PPARGC1A: variants seen among roughly 807,000 people sequenced by gnomAD.
The protein encoded by PPARGC1A is peroxisome proliferator-activated receptor gamma coactivator 1-alpha.
PPARGC1A carries 25 observed loss-of-function variants against 88.7 expected under a neutral mutation model. The ratio of observed to expected loss-of-function variants is 0.28; its 90% CI spans 0.21 to 0.39. The LOEUF is 0.39. PPARGC1A is among the 10% of genes least tolerant of loss of function. The pLI is 1.00. For missense variants in PPARGC1A, 880 were observed against 968.7 expected (o/e 0.91, Z 1.22); for synonymous variants, 363 against 355.6 (o/e 1.02, Z -0.24).
At chr4:24,087,490 T>C in the PPARGC1A span, among the ~76,000 whole-genome samples, 3 of 152,214 alleles carry the variant, frequency 2.0e-5, no homozygotes, top group Non-Finnish European at 4.4e-5. Context: ...TAAATCATTA[T>C]CCAGACATGA....
At chr4:23,946,902 C>T in the PPARGC1A span, among the ~76,000 whole-genome samples, 489 of 152,124 alleles carry the variant, frequency 3.2e-3, 8 homozygotes, top group Admixed American at 0.028. Flanking sequence ...TTAATATTCT[C>T]ATGGTACCTC....
chr4:23,852,488 G>C (rs952020174), intron 2 of PPARGC1A, among the ~76,000 whole-genome samples: 15 of 152,012 alleles, frequency 9.9e-5, no homozygotes, highest in African/African-American at 3.6e-4. Flanking sequence ...TCCCCATCAA[G>C]GCCACATCAC....
chr4:23,840,002 G>A (rs1296832739), intron 2 of PPARGC1A, among the ~76,000 whole-genome samples: 1 of 151,872 alleles, frequency 6.6e-6, no homozygotes, highest in African/African-American at 2.4e-5. Flanking sequence ...AAACCATATC[G>A]GTTCCTAACT....
At chr4:23,907,625 C>T (rs1462872623), upstream of PPARGC1A, among the ~76,000 whole-genome samples, 1 of 152,166 alleles carries the variant, frequency 6.6e-6, no homozygotes, top group Admixed American at 6.6e-5. Flanking sequence ...ACCTACCTCA[C>T]AGACTAAACA....
the PPARGC1A span, among the ~76,000 whole-genome samples, chr4:24,299,888 T>C: frequency 6.6e-6 from 1 of 152,216 alleles, no homozygotes; most frequent in Admixed American, 6.5e-5. Flanking sequence ...TGTATATTCA[T>C]TGTATATTAA....
chr4:24,219,179 A>C, the PPARGC1A span, among the ~76,000 whole-genome samples: 1 of 152,216 alleles, frequency 6.6e-6, no homozygotes, highest in African/African-American at 2.4e-5. Flanking sequence ...GAGATGTTTT[A>C]TGGTCCCACA....
the PPARGC1A span, among the ~76,000 whole-genome samples, chr4:24,381,458 C>A: frequency 6.6e-6 from 1 of 152,308 alleles, no homozygotes; most frequent in East Asian, 1.9e-4. Context: ...GTAATGATTA[C>A]CCAAGAAATG....
the PPARGC1A span, among the ~76,000 whole-genome samples, chr4:24,219,498 C>A: frequency 1.8e-4 from 27 of 152,304 alleles, no homozygotes; most frequent in Admixed American, 1.6e-3. Context: ...CACTGCCTCA[C>A]CCCATGAGAG....
chr4:23,956,150 G>C, the PPARGC1A span, among the ~76,000 whole-genome samples: 1 of 152,030 alleles, frequency 6.6e-6, no homozygotes, highest in East Asian at 1.9e-4. Context: ...TTAGCTTACA[G>C]ACTACACAAA....
chr4:23,799,609 T>C (rs1718288073), intron 12 of PPARGC1A, among the ~76,000 whole-genome samples: 1 of 152,228 alleles, frequency 6.6e-6, no homozygotes, highest in African/African-American at 2.4e-5. Context: ...AAATCCATCC[T>C]ACTACAATGC....
At chr4:23,923,845 A>C in the PPARGC1A span, among the ~76,000 whole-genome samples, 762 of 152,198 alleles carry the variant, frequency 5.0e-3, 3 homozygotes, top group African/African-American at 0.017. Flanking sequence ...CTCCACCCTC[A>C]ATACCTTCTT....
intron 2 of PPARGC1A, among the ~76,000 whole-genome samples, chr4:23,844,989 G>T (rs1197034504): frequency 6.7e-6 from 1 of 150,242 alleles, no homozygotes; most frequent in Non-Finnish European, 1.5e-5. Context: ...AAGAGTAAGG[G>T]CCAAAGGCCC....
intron 7 of PPARGC1A, among the ~76,000 whole-genome samples, chr4:23,818,724 T>C (rs1001589920): frequency 2.0e-5 from 3 of 152,004 alleles, no homozygotes; most frequent in African/African-American, 2.4e-5. Context: ...ATTATCGCTA[T>C]GAAACGATTT....
the PPARGC1A span, among the ~76,000 whole-genome samples, chr4:24,230,279 C>T: frequency 6.6e-6 from 1 of 152,164 alleles, no homozygotes; most frequent in South Asian, 2.1e-4. Context: ...AAATCACTAA[C>T]CTGCCTGTGA....
intron 2 of PPARGC1A, among the ~76,000 whole-genome samples, chr4:23,846,800 C>A (rs1728407528): frequency 1.3e-5 from 2 of 151,972 alleles, no homozygotes; most frequent in African/African-American, 2.4e-5. Context: ...ACAAAATAAA[C>A]AACTGTGAGA....
At chr4:24,452,256 C>A in the PPARGC1A span, among the ~76,000 whole-genome samples, 1,446 of 142,746 alleles carry the variant, frequency 0.01, 8 homozygotes, top group Non-Finnish European at 0.016. Context: ...CCCACCCCCC[C>A]ACACACAAAC....
At chr4:24,079,146 A>T in the PPARGC1A span, among the ~76,000 whole-genome samples, 1 of 152,184 alleles carries the variant, frequency 6.6e-6, no homozygotes, top group Non-Finnish European at 1.5e-5. Context: ...TTCCTTAAGA[A>T]CTATTTCTAG....
the PPARGC1A span, among the ~76,000 whole-genome samples, chr4:24,418,091 G>A: frequency 6.6e-6 from 1 of 151,930 alleles, no homozygotes; most frequent in East Asian, 1.9e-4. Flanking sequence ...TGTGAACTTG[G>A]AGCTGCCTTA....
chr4:24,459,510 G>T, the PPARGC1A span, among the ~76,000 whole-genome samples: 128 of 152,138 alleles, frequency 8.4e-4, 2 homozygotes, highest in South Asian at 0.018. Flanking sequence ...AAAAAACTGG[G>T]CCAGGTGCAG....
Sources: allele counts gnomAD v4.1 joint callset (sites outside exome capture counted in the v4.1 genomes callset), GRCh38; gene constraint gnomAD v4.1.1; transcripts MANE v1.5; gene names NCBI Gene and HGNC (gene_info 2026-07-23, HGNC 2026-07-21).